Variants in SGPP2 observed in about 807,000 individuals in gnomAD.
The protein encoded by SGPP2 is sphingosine-1-phosphate phosphatase 2, also known as sphingosine 1-phosphate phosphohydrolase 2.
A neutral mutation model predicts 33.9 loss-of-function variants in SGPP2; 30 were observed. The observed-to-expected ratio is 0.89, with a 90% CI of 0.66 to 1.20. The LOEUF (loss-of-function observed/expected upper bound fraction) is 1.20. Among genes scored for constraint, SGPP2 ranks in the 50% most tolerant of loss-of-function variants. The pLI is 0.00. For missense variants in SGPP2, 458 were observed against 532.1 expected (o/e 0.86, Z 1.37); for synonymous variants, 233 against 225.0 (o/e 1.04, Z -0.32).
rs559833498 is a variant in SGPP2, at chr2:222,516,496, G to C, written c.379-5271G>C. On this transcript the variant is annotated intron_variant, in intron 2 of 4. Coordinates refer to ENST00000321276, the MANE Select transcript of SGPP2 (RefSeq NM_152386.4). ...AGCTGTTATGAACATTCATATATGA[G>C]TATTTGGTCATATTGCTTTTGTTTC... Among the ~76,000 whole-genome samples the C allele has an allele frequency of 2.6e-5, 4 of 152,306 alleles. No individual in the cohort carries two copies. In the East Asian group the frequency reaches 7.7e-4, roughly 29 times the overall value.
rs372905144 is a variant in SGPP2, at chr2:222,474,645, A to G, written c.297A>G (p.Glu99=). The change falls in exon 2 of 5, where the codon GAA becomes GAG. Residue 99 remains glutamate, a synonymous_variant. Coordinates refer to ENST00000321276, the MANE Select transcript of SGPP2 (RefSeq NM_152386.4). ...AATTTTCAGCTGCTTTGGGCCAAGAAGTGTTCTACATCACGTTTCTTCCAT... is the reference window on the plus strand; with the variant it reads ...AATTTTCAGCTGCTTTGGGCCAAGAGGTGTTCTACATCACGTTTCTTCCAT... ...LFQFSAALGQ[E]VFYITFLPFT... is the part of the protein sequence containing the mutation. 5 of 1,613,870 alleles carry G rather than the reference A, an allele frequency of 3.1e-6. No homozygotes were observed. The African/African-American group carries it at 5.3e-5, about 17-fold the overall frequency.
At chr2:222,496,570 A>G (rs529125338) in intron 2 of SGPP2, among the ~76,000 whole-genome samples, 1 of 152,288 alleles carries the variant, frequency 6.6e-6, no homozygotes, top group Non-Finnish European at 1.5e-5. Context: ...AAAAACATGT[A>G]ATGTCTAAGC....
chr2:222,464,216 T>C (rs1455846203), intron 1 of SGPP2, among the ~76,000 whole-genome samples: 1 of 152,226 alleles, frequency 6.6e-6, no homozygotes, highest in Non-Finnish European at 1.5e-5. Flanking sequence ...AGTTAAGTTC[T>C]TAAGACATTT....
At chr2:222,555,604 C>A (rs12468309) in intron 4 of SGPP2, among the ~76,000 whole-genome samples, 4,505 of 152,004 alleles carry the variant, frequency 0.03, 108 homozygotes, top group African/African-American at 0.069. Flanking sequence ...ATTTGAGAGG[C>A]ACACTGATAG....
At position 222,559,939 on chromosome 2, in the gene SGPP2, A is replaced by G. The variant is rs977493582; in HGVS notation, c.*1041A>G. 5.3e-5 allele frequency: 8 copies of G among 152,180 alleles called. No individual in the cohort carries two copies. Among genetic ancestry groups the G allele is most frequent in the Admixed American group, 4.6e-4 (7 of 15,272 alleles). The allele number at this position is 152,180 out of a possible 1,614,324, so 9.4% of individuals were successfully genotyped here. ...GATCTGCTCTTCCTTGTTTCCATGC[A>G]TTTTGCAGGATTCCAGGTACCATTA... is the stretch of plus-strand genomic sequence containing the variant. On this transcript the variant is annotated 3_prime_UTR_variant, in exon 5 of 5. Transcript: ENST00000321276.
chr2:222,551,281 C>A (rs972777442), intron 4 of SGPP2, among the ~76,000 whole-genome samples: 3 of 152,122 alleles, frequency 2.0e-5, no homozygotes, highest in Admixed American at 6.6e-5. Flanking sequence ...CCTGTAGAAC[C>A]GTGAACCGTT....
At chr2:222,535,246 C>A (rs1235719587) in intron 4 of SGPP2, among the ~76,000 whole-genome samples, 1 of 152,056 alleles carries the variant, frequency 6.6e-6, no homozygotes, top group Admixed American at 6.6e-5. Flanking sequence ...GGCATGATGG[C>A]AGGTGCCTAT....
At chr2:222,489,974 A>G (rs1450225771) in intron 2 of SGPP2, among the ~76,000 whole-genome samples, 2 of 152,318 alleles carry the variant, frequency 1.3e-5, no homozygotes, top group Middle Eastern at 3.4e-3. Context: ...TCAAAAATAA[A>G]TAAATAAAAT....
At chr2:222,447,610 T>G (rs1204975912) in intron 1 of SGPP2, among the ~76,000 whole-genome samples, 1 of 152,216 alleles carries the variant, frequency 6.6e-6, no homozygotes, top group Non-Finnish European at 1.5e-5. Context: ...AGACACAAGT[T>G]AAATAACAGA....
chr2:222,539,124 C>G (rs1199715443), intron 4 of SGPP2, among the ~76,000 whole-genome samples: 1 of 152,134 alleles, frequency 6.6e-6, no homozygotes, highest in Non-Finnish European at 1.5e-5. Context: ...TCCCTTCCGT[C>G]TAGGAGCCTG....
At chr2:222,436,826 G>A (rs10804305) in intron 1 of SGPP2, among the ~76,000 whole-genome samples, 116,694 of 152,128 alleles carry the variant, frequency 0.77, 44,923 homozygotes, top group Middle Eastern at 0.88. Context: ...CCAGGTAGCC[G>A]GCTGATCACC....
In SGPP2 at chr2:222,561,843, G is replaced by A. The variant is rs79504415; in HGVS notation, c.*2945G>A. 2.3e-5 allele frequency among the ~76,000 whole-genome samples: 2 copies of A among 88,222 alleles called. No individual in the cohort carries two copies. The highest frequency in any genetic ancestry group is 2.2e-4 in the Admixed American group (2 of 8,988). The allele number at this position is 88,222 out of a possible 152,430, so 57.9% of individuals were successfully genotyped here. On this transcript the variant is annotated 3_prime_UTR_variant, in exon 5 of 5. Transcript: ENST00000321276. ...GACAAAAATTCATCGGGGTGAAAAA[G>A]GCATTACCTGATTCACACCCTTGTC...
chr2:222,527,095 T>C (rs1018891476), intron 4 of SGPP2, among the ~76,000 whole-genome samples: 3 of 152,180 alleles, frequency 2.0e-5, no homozygotes, highest in African/African-American at 4.8e-5. Flanking sequence ...CCCACCTCAA[T>C]AGAAACACAG....
chr2:222,557,793 G>A (rs530842342), intron 4 of SGPP2, among the ~76,000 whole-genome samples: 2 of 152,330 alleles, frequency 1.3e-5, no homozygotes, highest in East Asian at 3.9e-4. Context: ...TCTGAAGGTG[G>A]GGTAGTAGTG....
At chr2:222,528,824 C>T (rs1205395463) in intron 4 of SGPP2, among the ~76,000 whole-genome samples, 1 of 152,106 alleles carries the variant, frequency 6.6e-6, no homozygotes, top group Non-Finnish European at 1.5e-5. Flanking sequence ...ACTATGTTGC[C>T]CAGGCTTGTC....
intron 2 of SGPP2, among the ~76,000 whole-genome samples, chr2:222,481,743 T>C (rs1559156457): frequency 6.6e-6 from 1 of 152,104 alleles, no homozygotes; most frequent in East Asian, 1.9e-4. Context: ...GAGCTTACTG[T>C]GGGGGGTGAC....
At chr2:222,542,023 A>G (rs997728957) in intron 4 of SGPP2, among the ~76,000 whole-genome samples, 3 of 152,212 alleles carry the variant, frequency 2.0e-5, no homozygotes, top group Non-Finnish European at 4.4e-5. Context: ...CACCTCAGTA[A>G]CCATCACCCA....
intron 1 of SGPP2, among the ~76,000 whole-genome samples, chr2:222,456,341 G>A (rs1012455566): frequency 6.6e-5 from 10 of 152,100 alleles, no homozygotes; most frequent in African/African-American, 1.4e-4. Flanking sequence ...GTATTGCACC[G>A]TCCATATTGG....
At chr2:222,544,531 A>G (rs958339622) in intron 4 of SGPP2, among the ~76,000 whole-genome samples, 6 of 152,180 alleles carry the variant, frequency 3.9e-5, no homozygotes, top group Non-Finnish European at 1.5e-5. Context: ...CTATCCTCCT[A>G]TACATTTTAA....
Sources: gnomAD v4.1 joint callset for allele counts (sites outside exome capture counted in the v4.1 genomes callset) on GRCh38, gnomAD v4.1.1 for gene constraint, MANE v1.5 for transcripts, NCBI Gene and HGNC (gene_info 2026-07-23, HGNC 2026-07-21) for gene names.